The following DPYD variants were observed in gnomAD, a reference collection of about 807,000 sequenced individuals.
The protein encoded by DPYD is dihydropyrimidine dehydrogenase.
Under a neutral mutation model 116.2 loss-of-function variants are expected in DPYD, and 109 were observed. The ratio of observed to expected loss-of-function variants is 0.94; its 90% CI spans 0.80 to 1.10. The LOEUF (loss-of-function observed/expected upper bound fraction) is 1.10, where lower values mean the gene tolerates loss of function less well. Among genes scored for constraint, DPYD ranks in the 50% least tolerant of loss-of-function variants. The pLI is 0.00. For missense variants in DPYD, 1,302 were observed against 1,254.5 expected (o/e 1.04, Z -0.57); for synonymous variants, 440 against 432.0 (o/e 1.02, Z -0.23).
Position 97,920,965 on chromosome 1 carries a change from T to C in DPYD, c.-43A>G, listed in dbSNP as rs754506010. ...CGAGTCTGCCAGTGACAAACCCTCC[T>C]TGCGTCCTCAAGCTCCAGCCAGAGA... On this transcript the variant is annotated 5_prime_UTR_variant, in exon 1 of 23. Coordinates refer to ENST00000370192, the MANE Select transcript of DPYD (RefSeq NM_000110.4). 2.6e-6 allele frequency: 4 copies of C among 1,562,438 alleles called. No individual in the cohort carries two copies. The African/African-American group carries it at 5.5e-5, about 21-fold the overall frequency.
chr1:97,140,414 A>C (rs1436808841), intron 20 of DPYD, among the ~76,000 whole-genome samples: 1 of 152,160 alleles, frequency 6.6e-6, no homozygotes, highest in East Asian at 1.9e-4. Context: ...GGAAATCATA[A>C]TGGGCAGAGC....
intron 1 of DPYD, among the ~76,000 whole-genome samples, chr1:97,891,621 G>A (rs573677679): frequency 2.1e-4 from 32 of 151,918 alleles, no homozygotes; most frequent in Non-Finnish European, 4.0e-4. Flanking sequence ...GAGTTTTTCT[G>A]TATTACCATT....
chr1:97,481,703 A>T (rs983175207), intron 13 of DPYD, among the ~76,000 whole-genome samples: 2 of 152,228 alleles, frequency 1.3e-5, no homozygotes, highest in African/African-American at 4.8e-5. Context: ...ACAACTTTTA[A>T]ATTGGAATAC....
intron 3 of DPYD, among the ~76,000 whole-genome samples, chr1:97,776,559 G>A (rs532412924): frequency 3.9e-5 from 6 of 152,240 alleles, no homozygotes; most frequent in Non-Finnish European, 8.8e-5. Flanking sequence ...TTCCCAAGAC[G>A]TTCTCTCTAG....
intron 16 of DPYD, among the ~76,000 whole-genome samples, chr1:97,350,988 G>A (rs905303215): frequency 5.9e-5 from 9 of 152,090 alleles, no homozygotes; most frequent in Admixed American, 3.9e-4. Flanking sequence ...ACAGGAAGTC[G>A]TGGCCTTCAG....
chr1:97,544,931 A>AAT (rs1557786822), intron 12 of DPYD, among the ~76,000 whole-genome samples: 4 of 152,170 alleles, frequency 2.6e-5, no homozygotes, highest in Non-Finnish European at 5.9e-5. Context: ...CATCTGGTCT[A>AAT]ACACAAGAAC....
chr1:97,406,284 TTTTTTA>T (rs1673652095), intron 14 of DPYD, among the ~76,000 whole-genome samples: 1 of 58,206 alleles, frequency 1.7e-5, no homozygotes, highest in Non-Finnish European at 6.2e-5. Flanking sequence ...AGCTTTTTTT[TTTTTTA>T]AAATTATTAA....
chr1:97,541,384 C>G (rs1650443311), intron 12 of DPYD, among the ~76,000 whole-genome samples: 1 of 152,060 alleles, frequency 6.6e-6, no homozygotes, highest in Non-Finnish European at 1.5e-5. Flanking sequence ...AGGTGTTGGT[C>G]AAACCACTGA....
At chr1:97,614,995 T>C (rs1281645221) in intron 8 of DPYD, among the ~76,000 whole-genome samples, 2 of 152,142 alleles carry the variant, frequency 1.3e-5, no homozygotes, top group Non-Finnish European at 2.9e-5. Context: ...TAGTTTTTCA[T>C]ATATGCCTAA....
chr1:97,235,407 C>G (rs1432523288), intron 18 of DPYD, among the ~76,000 whole-genome samples: 1 of 152,146 alleles, frequency 6.6e-6, no homozygotes, highest in African/African-American at 2.4e-5. Context: ...CACCTGAGGT[C>G]AGGAGTTTGA....
At chr1:97,173,295 C>CATATATGCACACAT in intron 20 of DPYD, among the ~76,000 whole-genome samples, 1 of 127,584 alleles carries the variant, frequency 7.8e-6, no homozygotes, top group Middle Eastern at 4.0e-3. Context: ...TATATGTACA[C>CATATATGCACACAT]ATATGTACAT....
chr1:97,388,217 A>T (rs970943018), intron 14 of DPYD, among the ~76,000 whole-genome samples: 8 of 152,124 alleles, frequency 5.3e-5, no homozygotes, highest in African/African-American at 1.9e-4. Context: ...GATAGAATAA[A>T]GCCTAATGAA....
intron 16 of DPYD, among the ~76,000 whole-genome samples, chr1:97,334,917 G>C (rs1669206262): frequency 6.6e-6 from 1 of 152,190 alleles, no homozygotes; most frequent in South Asian, 2.1e-4. Context: ...GGGAACAAGA[G>C]AGCCCGGTGC....
chr1:97,417,671 T>C (rs1004142588), intron 14 of DPYD, among the ~76,000 whole-genome samples: 1 of 152,240 alleles, frequency 6.6e-6, no homozygotes, highest in Non-Finnish European at 1.5e-5. Flanking sequence ...TTTAATTTTT[T>C]TCAATATTGA....
intron 13 of DPYD, among the ~76,000 whole-genome samples, chr1:97,463,741 G>A (rs1035223397): frequency 6.6e-6 from 1 of 152,174 alleles, no homozygotes; most frequent in Non-Finnish European, 1.5e-5. Context: ...GGGAACTACA[G>A]GAAAGGTGAC....
At chr1:97,624,345 C>T (rs935776891) in intron 8 of DPYD, among the ~76,000 whole-genome samples, 1 of 151,900 alleles carries the variant, frequency 6.6e-6, no homozygotes, top group African/African-American at 2.4e-5. Context: ...AGATGACATA[C>T]AAATGGCCTA....
intron 14 of DPYD, among the ~76,000 whole-genome samples, chr1:97,383,723 G>A (rs981304345): frequency 6.6e-6 from 1 of 152,136 alleles, no homozygotes; most frequent in African/African-American, 2.4e-5. Flanking sequence ...GACTGAGCAA[G>A]AGTCTGTGCT....
chr1:97,550,321 C>T (rs1651224897), intron 11 of DPYD, among the ~76,000 whole-genome samples: 1 of 151,910 alleles, frequency 6.6e-6, no homozygotes, highest in Non-Finnish European at 1.5e-5. Context: ...GCAATTTCTG[C>T]TTTGTTTTGT....
intron 13 of DPYD, among the ~76,000 whole-genome samples, chr1:97,460,386 T>C (rs1676949788): frequency 6.6e-6 from 1 of 152,188 alleles, no homozygotes; most frequent in Admixed American, 6.5e-5. Flanking sequence ...ATTTCAGTCA[T>C]TTATCTATAC....
Sources: gnomAD v4.1 joint callset for allele counts (sites outside exome capture counted in the v4.1 genomes callset) on GRCh38, gnomAD v4.1.1 for gene constraint, MANE v1.5 for transcripts, NCBI Gene and HGNC (gene_info 2026-07-23, HGNC 2026-07-21) for gene names.